The following SHANK2 variants were observed in gnomAD, a reference collection of about 807,000 sequenced individuals.
SHANK2 encodes the protein SH3 and multiple ankyrin repeat domains protein 2.
SHANK2 carries 43 observed loss-of-function variants against 133.7 expected under a neutral mutation model. The observed-to-expected ratio is 0.32, with a 90% CI of 0.25 to 0.41. The LOEUF is 0.41. Among genes scored for constraint, SHANK2 ranks in the 10% least tolerant of loss-of-function variants. The probability of loss-of-function intolerance (pLI) is 1.00; values close to 1 mark genes in which losing one functional copy is unlikely to be tolerated. For synonymous variants in SHANK2, 1,017 were observed against 952.8 expected (o/e 1.07, Z -1.24); for missense variants, 1,994 against 2,235.8 (o/e 0.89, Z 2.18).
intron 10 of SHANK2, among the ~76,000 whole-genome samples, chr11:70,954,887 C>G (rs1950895713): frequency 6.6e-6 from 1 of 152,238 alleles, no homozygotes; most frequent in Non-Finnish European, 1.5e-5. Context: ...TTCATTGTCC[C>G]TTTAGGAGCT....
Position 70,804,656 on chromosome 11 carries a change from C to T in SHANK2, c.1663+2346G>A, listed in dbSNP as rs1555051453. Among the ~76,000 whole-genome samples the T allele has an allele frequency of 2.0e-5, 3 of 152,156 alleles. No homozygotes were observed. The highest frequency in any genetic ancestry group is 4.8e-5 in the African/African-American group (2 of 41,430). ...AGTCCTGGGGCCTGGATAGGAGTCA[C>T]GTGACCTCCCTTCTTTCCTTTGTTG... is the stretch of plus-strand genomic sequence containing the variant. On this transcript the variant is annotated intron_variant, in intron 13 of 25. Transcript: ENST00000601538. This position sits in a 1 kb window ranked among gnomAD's most constrained non-coding sequence, Gnocchi z 4.1.
At chr11:70,949,424 C>T (rs949093172) in intron 10 of SHANK2, among the ~76,000 whole-genome samples, 4 of 152,222 alleles carry the variant, frequency 2.6e-5, no homozygotes, top group Admixed American at 6.5e-5. Flanking sequence ...AGACTCCGCC[C>T]GTCATGTGGG....
At chr11:71,059,889 C>A (rs1361181967) in intron 9 of SHANK2, among the ~76,000 whole-genome samples, 38 of 152,300 alleles carry the variant, frequency 2.5e-4, no homozygotes, top group Admixed American at 2.4e-3. Flanking sequence ...TCAAGCCCCA[C>A]TGAGGCCGCC....
rs1368556248 is a variant in SHANK2 at position 71,164,812 on chromosome 11, G to A, written c.-12-17474C>T. 4.2e-4 allele frequency among the ~76,000 whole-genome samples: 64 copies of A among 152,250 alleles called. 2 individuals are homozygous for A. The highest frequency in any genetic ancestry group is 3.0e-3 in the Admixed American group (46 of 15,290). On this transcript the variant is annotated intron_variant, in intron 2 of 25. Transcript: ENST00000601538. Reference sequence around the variant, plus strand: ...CGGCCTCAGGCATCTATCTGTTGGGGGCCTAGGAGAGACGCCAAGTCCTTG... The same window carrying A: ...CGGCCTCAGGCATCTATCTGTTGGGAGCCTAGGAGAGACGCCAAGTCCTTG...
rs1215438703 is a variant in SHANK2 at position 71,064,672 on chromosome 11, G to C, written c.1030-8114C>G. Among the ~76,000 whole-genome samples the C allele has an allele frequency of 3.9e-5, 6 of 152,074 alleles. No homozygotes were observed. In the East Asian group the frequency reaches 1.2e-3, roughly 29 times the overall value. On this transcript the variant is annotated intron_variant, in intron 9 of 25. Transcript: ENST00000601538. ...GGTGAGAAGGGTGGTGGGGACAAGAGGGGTGGAGGGGACAAGAGGGGTAGA... is the reference window on the plus strand; with the variant it reads ...GGTGAGAAGGGTGGTGGGGACAAGACGGGTGGAGGGGACAAGAGGGGTAGA...
chr11:70,486,533 G>T lies in SHANK2; in HGVS notation c.3760C>A (p.Arg1254=). The T allele has an allele frequency of 6.2e-7, 1 of 1,614,108 alleles. No homozygotes were observed. Among genetic ancestry groups the T allele is most frequent in the East Asian group, 2.2e-5 (1 of 44,876 alleles). The change falls in exon 25 of 26, where the codon CGG becomes AGG. Residue 1254 remains arginine, a synonymous_variant. Transcript: ENST00000601538. This position sits in a 1 kb window ranked among gnomAD's most constrained non-coding sequence, Gnocchi z 8.0. ...GGGAAGCCGGCATCCAGGCTGGGCC[G>T]CATTTTGGTATCAATGTAAAGAGGT... The part of the protein sequence containing the change: ...NKPLYIDTKM[R]PSLDAGFPTV...
At chr11:71,182,489 G>A (rs570456985) in intron 2 of SHANK2, among the ~76,000 whole-genome samples, 5 of 152,316 alleles carry the variant, frequency 3.3e-5, no homozygotes, top group South Asian at 2.1e-4. Flanking sequence ...GGAGGCATCT[G>A]CTCCAGGCCT....
At chr11:70,909,350 T>C (rs1950155299) in intron 10 of SHANK2, among the ~76,000 whole-genome samples, 2 of 152,168 alleles carry the variant, frequency 1.3e-5, no homozygotes, top group Admixed American at 1.3e-4. Context: ...TGAGGGAGGC[T>C]GAGTCTAGTG....
intron 2 of SHANK2, among the ~76,000 whole-genome samples, chr11:71,204,478 G>A (rs1323118825): frequency 6.6e-6 from 1 of 152,162 alleles, no homozygotes; most frequent in Non-Finnish European, 1.5e-5. Context: ...GACAGGCTCC[G>A]ACGGGAAGAG....
chr11:71,108,401 C>T (rs560495841), intron 6 of SHANK2, among the ~76,000 whole-genome samples: 1 of 152,218 alleles, frequency 6.6e-6, no homozygotes, highest in Non-Finnish European at 1.5e-5. Context: ...CTCCCACTGC[C>T]TGCCCCACAG....
In SHANK2 at chr11:70,662,747, T is replaced by C. The variant is rs1412899645; in HGVS notation, c.1854-1069A>G. Among the ~76,000 whole-genome samples, 8 of 152,116 alleles carry C rather than the reference T, an allele frequency of 5.3e-5. No homozygotes were observed. The East Asian group carries it at 1.5e-3, about 29-fold the overall frequency. Reference sequence around the variant, plus strand: ...TCCAACTTTGCTCTAGTGGCCACAGTGTCCTCTCGCTTTTCCTGCTGGCAC... The same window carrying C: ...TCCAACTTTGCTCTAGTGGCCACAGCGTCCTCTCGCTTTTCCTGCTGGCAC... On this transcript the variant is annotated intron_variant, in intron 15 of 25. Coordinates refer to ENST00000601538, the MANE Select transcript of SHANK2 (RefSeq NM_012309.5).
chr11:70,698,954 G>A (rs920196775), intron 14 of SHANK2, among the ~76,000 whole-genome samples, 191 bp from the exon 15 acceptor site: 24 of 152,168 alleles, frequency 1.6e-4, no homozygotes, highest in Admixed American at 8.5e-4. Context: ...GGGAATGCAT[G>A]TGCACCTCAA....
rs1321182987 is a variant in SHANK2 at position 71,175,959 on chromosome 11, G to A, written c.-12-28621C>T. On this transcript the variant is annotated intron_variant, in intron 2 of 25. Transcript: ENST00000601538. The surrounding 1 kb of genome is among the most constrained non-coding windows in gnomAD (Gnocchi z 4.2). ...GAATGGAACGGAGCCTAGTAGAGAT[G>A]TGTTCCCTTATTCAGAATATGATGG... 6.6e-6 allele frequency among the ~76,000 whole-genome samples: 1 copy of A among 152,174 alleles called. No homozygotes were observed. Among genetic ancestry groups the A allele is most frequent in the African/African-American group, 2.4e-5 (1 of 41,458 alleles).
chr11:70,747,007 G>A (rs2134860617), intron 14 of SHANK2, among the ~76,000 whole-genome samples: 1 of 96,658 alleles, frequency 1.0e-5, no homozygotes. Context: ...CCCTACCCCT[G>A]TACTCCCCTC....
rs11237803 is a variant in SHANK2 at position 70,882,010 on chromosome 11, C to G, written c.1174+14491G>C. Among the ~76,000 whole-genome samples, 1,730 of 152,228 alleles carry G rather than the reference C, an allele frequency of 0.011. 33 individuals are homozygous for G. The highest frequency in any genetic ancestry group is 0.039 in the African/African-American group (1,628 of 41,534). Reference sequence around the variant, plus strand: ...TATAGGTGTGAGCCACCACACCCAGCCTGGATCCTTAAATTCACTTGCAGG... The same window carrying G: ...TATAGGTGTGAGCCACCACACCCAGGCTGGATCCTTAAATTCACTTGCAGG... On this transcript the variant is annotated intron_variant, in intron 11 of 25. Coordinates refer to ENST00000601538, the MANE Select transcript of SHANK2 (RefSeq NM_012309.5). The surrounding 1 kb of genome is among the most constrained non-coding windows in gnomAD (Gnocchi z 4.2).
intron 17 of SHANK2, among the ~76,000 whole-genome samples, chr11:70,592,674 G>A (rs2060340823): frequency 6.6e-6 from 1 of 152,078 alleles, no homozygotes; most frequent in African/African-American, 2.4e-5. Context: ...CAAGGGCTGT[G>A]TGGTTAGGCC....
At position 71,147,271 on chromosome 11, in the gene SHANK2, T is replaced by C; in HGVS notation, c.56A>G (p.Tyr19Cys). The C allele has an allele frequency of 6.4e-7, 1 of 1,550,786 alleles. No homozygotes were observed. Residue 19 changes from tyrosine (Y) to cysteine (C), a missense_variant, in exon 3 of 26, where the codon TAC (tyrosine) becomes TGC (cysteine). Around this residue, in one of 5 missense-constraint regions of SHANK2, gnomAD observed 653 missense variants for 563.4 expected, o/e 1.16. Transcript: ENST00000601538. ...GCTGTCTGACTCCGACCCCACGGAGTAGTCGGAGAAGCTCTGGGCCATCTC... is the reference window on the plus strand; with the variant it reads ...GCTGTCTGACTCCGACCCCACGGAGCAGTCGGAGAAGCTCTGGGCCATCTC... ...EDEMAQSFSD[Y>C]SVGSESDSSK...
chr11:70,566,085 A>T (rs1381029076), intron 17 of SHANK2, among the ~76,000 whole-genome samples: 1 of 152,216 alleles, frequency 6.6e-6, no homozygotes, highest in Non-Finnish European at 1.5e-5. Flanking sequence ...GGGAGCCAAG[A>T]GAAAGGGGTT....
chr11:70,700,467 C>T (rs185586157), intron 14 of SHANK2, among the ~76,000 whole-genome samples: 106 of 152,266 alleles, frequency 7.0e-4, no homozygotes, highest in African/African-American at 2.3e-3. Flanking sequence ...ACCAAAAAGA[C>T]GCATTGCACG....
Sources: gnomAD v4.1 joint callset for allele counts (sites outside exome capture counted in the v4.1 genomes callset) on GRCh38, gnomAD v4.1.1 for gene constraint, gnomAD v4.1.1 regional missense constraint, Gnocchi (gnomAD v3.1) non-coding constraint, MANE v1.5 for transcripts, NCBI Gene and HGNC (gene_info 2026-07-23, HGNC 2026-07-21) for gene names.